The following FBF1 variants were observed in gnomAD, a reference collection of about 807,000 sequenced individuals.
FBF1 encodes Fas binding factor 1.
FBF1 carries 119 observed loss-of-function variants against 147.2 expected under a neutral mutation model. That is an observed-to-expected ratio of 0.81 (90% confidence interval 0.70 to 0.94). FBF1 has a LOEUF of 0.94. Ranked by LOEUF, FBF1 falls within the 40% of genes least tolerant of loss-of-function variation. The pLI is 0.00. For missense variants in FBF1, 1,449 were observed against 1,500.8 expected (o/e 0.97, Z 0.57); for synonymous variants, 601 against 609.0 (o/e 0.99, Z 0.19).
chr17:75,917,917 AG>A lies in FBF1; in HGVS notation c.2386+13del. 1 of 1,592,640 alleles carries A rather than the reference AG, an allele frequency of 6.3e-7. No individual in the cohort carries two copies. The highest frequency in any genetic ancestry group is 8.6e-7 in the Non-Finnish European group (1 of 1,168,900). On this transcript the variant is annotated intron_variant, in intron 22 of 29. Transcript: ENST00000636174. ...CCCACCAGGAGCCGGGGTGGCTGAG[AG>A]GGGAGGGCGTACCCCGCAGCTGCTC...
At position 75,913,458 on chromosome 17, in the gene FBF1, T is replaced by G. The variant is rs546476721; in HGVS notation, c.3247+244A>C. 7.1e-6 allele frequency: 3 copies of G among 423,012 alleles called. No individual in the cohort carries two copies. In the East Asian group the frequency reaches 1.1e-4, roughly 16 times the overall value. 26.2% of individuals were successfully genotyped at this position (423,012 alleles called of 1,614,324 possible). A position where few individuals can be genotyped will look rare whatever the true frequency, so the allele number is the denominator to read the frequency against. ...CCACCACGCCCAGCCTGACAATGAC[T>G]TTTTTTATTTCCTTTTTTTTTCCTG... is the stretch of plus-strand genomic sequence containing the variant. On this transcript the variant is annotated intron_variant, in intron 28 of 29. Coordinates refer to ENST00000636174, the MANE Select transcript of FBF1 (RefSeq NM_001319193.2).
chr17:75,919,712 C>T lies in FBF1; in HGVS notation c.2094G>A (p.Ala698=), dbSNP rs1410609275. ...AQHQRRLAAI[A]QEKDQEMERL... is the part of the protein sequence containing the mutation. Reference sequence around the variant, plus strand: ...GCTCCATTTCCTGGTCCTTCTCCTGCGCTATGGCCGCCAAGCGCCGCTGGT... The same window carrying T: ...GCTCCATTTCCTGGTCCTTCTCCTGTGCTATGGCCGCCAAGCGCCGCTGGT... Residue 698 remains alanine, a synonymous_variant, in exon 20 of 30, where the codon GCG becomes GCA. Transcript: ENST00000636174. This position sits in a 1 kb window ranked among gnomAD's most constrained non-coding sequence, Gnocchi z 5.0. 3.1e-6 allele frequency: 5 copies of T among 1,612,326 alleles called. No homozygotes were observed. Among genetic ancestry groups the T allele is most frequent in the East Asian group, 2.2e-5 (1 of 44,878 alleles).
chr17:75,938,242 A>G lies in FBF1; in HGVS notation c.-83-10T>C. ...ATCAGGCTCATACTCCCTAATGAAG[A>G]AAATTAAAGTGGTTGCTTAAAAATG... On this transcript the variant is annotated splice_polypyrimidine_tract_variant and intron_variant, in intron 1 of 29. Coordinates refer to ENST00000636174, the MANE Select transcript of FBF1 (RefSeq NM_001319193.2). 1.3e-6 allele frequency: 2 copies of G among 1,566,100 alleles called. No homozygotes were observed. The highest frequency in any genetic ancestry group is 1.1e-5 in the South Asian group (1 of 88,114).
chr17:75,926,460 C>T (rs934434052), intron 10 of FBF1, 34 bp from the exon 11 acceptor site: 4 of 1,515,264 alleles, frequency 2.6e-6, no homozygotes, highest in Non-Finnish European at 3.5e-6. Flanking sequence ...TGCCTGCAGC[C>T]TTCTTGCCCT....
At chr17:75,932,648 G>C (rs2065600973) in intron 5 of FBF1, among the ~76,000 whole-genome samples, 1 of 152,134 alleles carries the variant, frequency 6.6e-6, no homozygotes. Flanking sequence ...CAGCACTTTG[G>C]GAGGCCGAGG....
At chr17:75,917,532 T>C (rs1343696617) in intron 23 of FBF1, among the ~76,000 whole-genome samples, 200 bp downstream of exon 23, 1 of 151,996 alleles carries the variant, frequency 6.6e-6, no homozygotes, top group Admixed American at 6.5e-5. Flanking sequence ...GTGGGGGGCC[T>C]GGCCAGGCGG....
chr17:75,927,681 T>A (rs1179817742), intron 8 of FBF1, 149 bp from the exon 9 acceptor site: 1 of 673,702 alleles, frequency 1.5e-6, no homozygotes, highest in African/African-American at 1.8e-5. Context: ...AAGGGAGGAG[T>A]CTCCAGTTCT....
intron 8 of FBF1, 74 bp from the exon 9 acceptor site, chr17:75,927,606 G>A: frequency 7.3e-7 from 1 of 1,367,434 alleles, no homozygotes; most frequent in Non-Finnish European, 1.0e-6. Flanking sequence ...ATCATGGACT[G>A]GGGCCCCTGG....
At chr17:75,915,678 C>A (rs1004613580) in intron 23 of FBF1, among the ~76,000 whole-genome samples, 3 of 152,198 alleles carry the variant, frequency 2.0e-5, no homozygotes, top group African/African-American at 7.2e-5. Context: ...CAGTGGACAT[C>A]TCTGACTAGT....
chr17:75,911,173 C>G (rs927886334), intron 29 of FBF1, among the ~76,000 whole-genome samples: 2 of 152,128 alleles, frequency 1.3e-5, no homozygotes, highest in African/African-American at 4.8e-5. Flanking sequence ...GTAATCCTAG[C>G]TAATCCGCAG....
chr17:75,920,258 C>T lies in FBF1; in HGVS notation c.1830+16G>A, dbSNP rs1567859725. 1.9e-6 allele frequency: 3 copies of T among 1,604,104 alleles called. No homozygotes were observed. Among genetic ancestry groups the T allele is most frequent in the African/African-American group, 1.3e-5 (1 of 74,884 alleles). On this transcript the variant is annotated intron_variant, in intron 18 of 29. Coordinates refer to ENST00000636174, the MANE Select transcript of FBF1 (RefSeq NM_001319193.2). ...GCAACCCTGCCACCAGCACCAACGG[C>T]CCCGCTGCCCCTCACCTGGGCCTCC...
At position 75,923,288 on chromosome 17, in the gene FBF1, G is replaced by A; in HGVS notation, c.1322C>T (p.Ala441Val). 2 of 1,591,234 alleles carry A rather than the reference G, an allele frequency of 1.3e-6. No individual in the cohort carries two copies. The highest frequency in any genetic ancestry group is 1.7e-6 in the Non-Finnish European group (2 of 1,169,346). Residue 441 changes from alanine to valine, a missense_variant, in exon 14 of 30, where the codon GCC (alanine) becomes GTC (valine). Coordinates refer to ENST00000636174, the MANE Select transcript of FBF1 (RefSeq NM_001319193.2). The surrounding 1 kb of genome is among the most constrained non-coding windows in gnomAD (Gnocchi z 4.1). ...GCCTTGGGACTTCTTCCGAGACAGG[G>A]CATGGCTCAGCCAGTCCTCTTTCTC... ...KEEKEDWLSHALSRKKSQGLA... is the reference protein window; with the variant it reads ...KEEKEDWLSHVLSRKKSQGLA...
Position 75,920,405 on chromosome 17 carries a change from G to T in FBF1, c.1699C>A (p.Arg567=). 1.2e-6 allele frequency: 2 copies of T among 1,607,472 alleles called. No homozygotes were observed. The highest frequency in any genetic ancestry group is 4.5e-5 in the East Asian group (2 of 44,742). The change falls in exon 18 of 30, where the codon CGG becomes AGG. Residue 567 remains arginine, a synonymous_variant. Transcript: ENST00000636174. ...VQPLLPESLA[R]SLLPSTEYQK... ...TATTCTGTGCTCGGCAGCAGGCTCC[G>T]GGCCAGGGACTCTGGGAGCAGGGGC...
In FBF1 at chr17:75,926,119, C is replaced by A; in HGVS notation, c.779G>T (p.Gly260Val). 6.2e-7 allele frequency: 1 copy of A among 1,611,152 alleles called. No individual in the cohort carries two copies. The highest frequency in any genetic ancestry group is 1.1e-5 in the South Asian group (1 of 90,724). The change falls in exon 12 of 30, where the codon GGT becomes GTT. Residue 260 changes from glycine to valine, a missense_variant. Coordinates refer to ENST00000636174, the MANE Select transcript of FBF1 (RefSeq NM_001319193.2). ...CAGGAGTTTGGTGGCCATGCCTCGA[C>A]CCAGCAGCTCATCCAGCGTGGAGCG... ...PARSTLDELL[G>V]RGMATKLLAR...
intron 6 of FBF1, 122 bp from the exon 7 acceptor site, chr17:75,930,169 G>T: frequency 1.4e-6 from 1 of 731,166 alleles, no homozygotes; most frequent in Non-Finnish European, 2.4e-6. Flanking sequence ...GCAGAGCTTG[G>T]CCAATGGAGC....
At chr17:75,932,068 T>C (rs916933656) in intron 5 of FBF1, among the ~76,000 whole-genome samples, 16 of 152,092 alleles carry the variant, frequency 1.1e-4, no homozygotes, top group African/African-American at 2.9e-4. Flanking sequence ...CTCTTTAACT[T>C]CCCCAGGCTC....
chr17:75,938,155 G>C lies in FBF1; in HGVS notation c.-6C>G. On this transcript the variant is annotated 5_prime_UTR_variant, in exon 2 of 30. Coordinates refer to ENST00000636174, the MANE Select transcript of FBF1 (RefSeq NM_001319193.2). Reference sequence around the variant, plus strand: ...CTCTGAACTCTGCCTACCATCTCACGGCTCTCGGGGGTGCTCTCAGCTCCT... The same window carrying C: ...CTCTGAACTCTGCCTACCATCTCACCGCTCTCGGGGGTGCTCTCAGCTCCT... The C allele has an allele frequency of 6.2e-7, 1 of 1,613,538 alleles. No homozygotes were observed.
intron 4 of FBF1, 129 bp from the exon 5 acceptor site, chr17:75,933,217 G>A: frequency 1.6e-6 from 1 of 606,294 alleles, no homozygotes; most frequent in Non-Finnish European, 2.8e-6. Flanking sequence ...AAATAGGCAG[G>A]TCCCAATGTC....
chr17:75,918,114 C>T lies in FBF1; in HGVS notation c.2247-44G>A. The stretch of plus-strand genomic sequence containing the variant: ...ACCCCCTCCTGACGGTCTCGGGGAC[C>T]TTCCGGCCCCCAACGTCAGGCGGGC... On this transcript the variant is annotated intron_variant, in intron 21 of 29. Coordinates refer to ENST00000636174, the MANE Select transcript of FBF1 (RefSeq NM_001319193.2). The surrounding 1 kb of genome is among the most constrained non-coding windows in gnomAD (Gnocchi z 5.8). 6.2e-7 allele frequency: 1 copy of T among 1,607,702 alleles called. No homozygotes were observed. Among genetic ancestry groups the T allele is most frequent in the Non-Finnish European group, 8.5e-7 (1 of 1,175,674 alleles).
Sources: allele counts gnomAD v4.1 joint callset (sites outside exome capture counted in the v4.1 genomes callset), GRCh38; gene constraint gnomAD v4.1.1; non-coding constraint Gnocchi (gnomAD v3.1); transcripts MANE v1.5; gene names NCBI Gene and HGNC (gene_info 2026-07-23, HGNC 2026-07-21).